The following RANBP2 variants were observed in gnomAD, a reference collection of about 807,000 sequenced individuals.
RANBP2 encodes the protein RAN binding protein 2.
A neutral mutation model predicts 303.6 loss-of-function variants in RANBP2; 57 were observed. The ratio of observed to expected loss-of-function variants is 0.19; its 90% CI spans 0.15 to 0.23. RANBP2 has a LOEUF of 0.23. RANBP2 is among the 10% of genes least tolerant of loss of function. The pLI is 1.00. For missense variants in RANBP2, 3,138 were observed against 3,780.8 expected (o/e 0.83, Z 4.46); for synonymous variants, 1,167 against 1,301.5 (o/e 0.90, Z 2.23).
the RANBP2 span, among the ~76,000 whole-genome samples, chr2:109,266,148 CTG>C: frequency 2.1e-5 from 3 of 145,620 alleles, no homozygotes; most frequent in African/African-American, 7.7e-5. Context: ...TGCATGTGTG[CTG>C]TGTGTGTTGT....
At chr2:109,076,570 A>G in the RANBP2 span, among the ~76,000 whole-genome samples, 112 of 150,790 alleles carry the variant, frequency 7.4e-4, 1 homozygote, top group African/African-American at 2.7e-3. Flanking sequence ...TACAAAATCA[A>G]TATACAAAAA....
chr2:109,422,425 C>T, the RANBP2 span, among the ~76,000 whole-genome samples: 6 of 152,194 alleles, frequency 3.9e-5, no homozygotes, highest in African/African-American at 9.7e-5. Flanking sequence ...GTCAGTGTGT[C>T]GATGGCTGGA....
chr2:108,997,291 A>G, the RANBP2 span, among the ~76,000 whole-genome samples: 3 of 151,924 alleles, frequency 2.0e-5, no homozygotes, highest in Non-Finnish European at 2.9e-5. Flanking sequence ...AATACAAAAA[A>G]TTAGCCAGAT....
At chr2:109,706,519 C>T in the RANBP2 span, among the ~76,000 whole-genome samples, 1 of 152,202 alleles carries the variant, frequency 6.6e-6, no homozygotes, top group African/African-American at 2.4e-5. Flanking sequence ...CTGACCACTG[C>T]CCTCCCCAAG....
the RANBP2 span, among the ~76,000 whole-genome samples, chr2:108,905,688 T>C: frequency 3.9e-5 from 6 of 152,020 alleles, no homozygotes; most frequent in Admixed American, 3.9e-4. Flanking sequence ...GGATTTATCT[T>C]TGGGGTTAAT....
At chr2:109,220,387 A>G in the RANBP2 span, among the ~76,000 whole-genome samples, 1 of 152,216 alleles carries the variant, frequency 6.6e-6, no homozygotes, top group Non-Finnish European at 1.5e-5. Context: ...TGAGTGTGAC[A>G]CCAAAAGCAC....
At chr2:109,448,640 AAT>A in the RANBP2 span, among the ~76,000 whole-genome samples, 1 of 152,216 alleles carries the variant, frequency 6.6e-6, no homozygotes, top group Non-Finnish European at 1.5e-5. Flanking sequence ...GTTGCAGGAA[AAT>A]AAGCTCAGGG....
chr2:108,763,214 T>C (rs1676861424), intron 19 of RANBP2, 23 bp from the exon 20 acceptor site: 2 of 1,611,124 alleles, frequency 1.2e-6, no homozygotes, highest in South Asian at 1.1e-5. Context: ...ATCTACAAAA[T>C]GTTTTAACTT....
At chr2:109,609,336 A>T in the RANBP2 span, among the ~76,000 whole-genome samples, 1 of 138,588 alleles carries the variant, frequency 7.2e-6, no homozygotes, top group Non-Finnish European at 1.6e-5. Flanking sequence ...GGAGGATACA[A>T]AGAATAATAC....
the RANBP2 span, chr2:108,896,997 C>T: frequency 1.2e-6 from 2 of 1,613,964 alleles, no homozygotes; most frequent in Non-Finnish European, 1.7e-6. Flanking sequence ...CATCCAGCCG[C>T]TCAATCTGCA....
At chr2:109,164,153 ACT>A in the RANBP2 span, among the ~76,000 whole-genome samples, 2 of 150,712 alleles carry the variant, frequency 1.3e-5, no homozygotes, top group East Asian at 3.9e-4. Context: ...GTCCAGGAAA[ACT>A]CTGATGCCTC....
the RANBP2 span, among the ~76,000 whole-genome samples, chr2:109,629,300 AAG>A: frequency 2.8e-5 from 3 of 105,816 alleles, no homozygotes; most frequent in Non-Finnish European, 3.7e-5. Context: ...ACCTGGCCTA[AAG>A]ATATATATAT....
At position 108,755,267 on chromosome 2, in the gene RANBP2, A is replaced by G; in HGVS notation, c.2466+8A>G. The G allele has an allele frequency of 6.2e-7, 1 of 1,611,794 alleles. No homozygotes were observed. Among genetic ancestry groups the G allele is most frequent in the Non-Finnish European group, 8.5e-7 (1 of 1,179,784 alleles). ...CAAGTAGAGGCCATTAAGGTAAGTC[A>G]CTTAATTTCTCTAGCTGTACTTTTT... On this transcript the variant is annotated splice_region_variant and intron_variant, in intron 17 of 28. Coordinates refer to ENST00000283195, the MANE Select transcript of RANBP2 (RefSeq NM_006267.5).
At chr2:109,707,516 C>T in the RANBP2 span, among the ~76,000 whole-genome samples, 6 of 152,322 alleles carry the variant, frequency 3.9e-5, no homozygotes, top group African/African-American at 1.4e-4. Flanking sequence ...GATTATAAAA[C>T]ACCACTACAA....
chr2:108,893,522 C>CTGA, the RANBP2 span, among the ~76,000 whole-genome samples: 146 of 152,088 alleles, frequency 9.6e-4, no homozygotes, highest in African/African-American at 3.3e-3. Flanking sequence ...GGGATGCTTT[C>CTGA]TGATAAAGAT....
the RANBP2 span, among the ~76,000 whole-genome samples, chr2:108,961,588 A>T: frequency 6.6e-6 from 1 of 152,174 alleles, no homozygotes; most frequent in East Asian, 1.9e-4. Flanking sequence ...GCAAAAACAG[A>T]CATTTACATT....
chr2:109,438,344 G>T, the RANBP2 span, among the ~76,000 whole-genome samples: 7 of 152,262 alleles, frequency 4.6e-5, no homozygotes, highest in African/African-American at 1.7e-4. Context: ...CAGGTATAGG[G>T]TGAACTTTGG....
the RANBP2 span, among the ~76,000 whole-genome samples, chr2:109,054,758 A>T: frequency 6.6e-6 from 1 of 150,818 alleles, no homozygotes; most frequent in African/African-American, 2.4e-5. Context: ...CACCTGTGTC[A>T]CCTCCACGCC....
At chr2:108,804,608 A>C in the RANBP2 span, among the ~76,000 whole-genome samples, 1 of 152,236 alleles carries the variant, frequency 6.6e-6, no homozygotes, top group African/African-American at 2.4e-5. Context: ...GTGTGAGTGG[A>C]TTTTTCTGAG....
Sources: gnomAD v4.1 joint callset for allele counts (sites outside exome capture counted in the v4.1 genomes callset) on GRCh38, gnomAD v4.1.1 for gene constraint, MANE v1.5 for transcripts, NCBI Gene and HGNC (gene_info 2026-07-23, HGNC 2026-07-21) for gene names.